BICC1: variants seen among roughly 807,000 people sequenced by gnomAD.
The protein encoded by BICC1 is BicC family RNA binding protein 1.
In BICC1, 43 loss-of-function variants were observed where a neutral mutation model predicts 111.0. The observed-to-expected ratio is 0.39, with a 90% CI of 0.30 to 0.50. BICC1 has a LOEUF of 0.50. Among genes scored for constraint, BICC1 ranks in the 20% least tolerant of loss-of-function variants. The probability of loss-of-function intolerance (pLI) is 0.88; values close to 1 mark genes in which losing one functional copy is unlikely to be tolerated. For synonymous variants in BICC1, 467 were observed against 434.4 expected (o/e 1.07, Z -0.93); for missense variants, 1,091 against 1,203.2 (o/e 0.91, Z 1.38).
At chr10:58,782,761 G>C (rs1228714578) in intron 3 of BICC1, among the ~76,000 whole-genome samples, 2 of 152,116 alleles carry the variant, frequency 1.3e-5, no homozygotes, top group Non-Finnish European at 2.9e-5. Flanking sequence ...GCTTTGGCTT[G>C]GTATCTCCCT....
intron 3 of BICC1, among the ~76,000 whole-genome samples, chr10:58,765,276 G>A (rs899179229): frequency 2.0e-5 from 3 of 146,716 alleles, no homozygotes; most frequent in East Asian, 2.1e-4. Flanking sequence ...GGCTGGTCTC[G>A]AACTCCTGAC....
chr10:58,571,320 A>G (rs908740042), intron 1 of BICC1, among the ~76,000 whole-genome samples: 1 of 152,148 alleles, frequency 6.6e-6, no homozygotes, highest in African/African-American at 2.4e-5. Flanking sequence ...TTTTATTTAT[A>G]TAATTTTTAT....
intron 2 of BICC1, among the ~76,000 whole-genome samples, chr10:58,657,694 C>T (rs927034300): frequency 7.9e-5 from 12 of 152,120 alleles, no homozygotes; most frequent in African/African-American, 2.9e-4. Flanking sequence ...CTTTCTTTGC[C>T]TGGCATGTAC....
At chr10:58,630,166 A>C (rs1446954170) in intron 2 of BICC1, among the ~76,000 whole-genome samples, 2 of 152,110 alleles carry the variant, frequency 1.3e-5, no homozygotes, top group African/African-American at 2.4e-5. Flanking sequence ...TGAGTTAGGA[A>C]GCTAAGATCA....
Position 58,793,712 on chromosome 10 carries a change from T to C in BICC1, c.1179+97T>C. 4 of 1,355,354 alleles carry C rather than the reference T, an allele frequency of 3.0e-6. No homozygotes were observed. In the South Asian group the frequency reaches 3.8e-5, roughly 13 times the overall value. 84.0% of individuals were successfully genotyped at this position (1,355,354 alleles called of 1,614,324 possible). The stretch of plus-strand genomic sequence containing the variant: ...GTATTTATTTGCATATACATGAAAC[T>C]GTTACTCTATACAGGTTGAATATCC... On this transcript the variant is annotated intron_variant, in intron 9 of 20. Transcript: ENST00000373886.
chr10:58,668,074 T>C (rs915189555), intron 2 of BICC1, among the ~76,000 whole-genome samples: 1 of 152,040 alleles, frequency 6.6e-6, no homozygotes, highest in African/African-American at 2.4e-5. Context: ...CAGAATGAAA[T>C]ATTTCACGGT....
chr10:58,527,838 C>T (rs1269913726), intron 1 of BICC1, among the ~76,000 whole-genome samples: 3 of 151,882 alleles, frequency 2.0e-5, no homozygotes, highest in Non-Finnish European at 1.5e-5. Context: ...GTGTCAGGCT[C>T]GGGTGGGTTA....
intron 2 of BICC1, among the ~76,000 whole-genome samples, chr10:58,642,503 C>G (rs1838153144): frequency 6.6e-6 from 1 of 152,054 alleles, no homozygotes; most frequent in African/African-American, 2.4e-5. Context: ...TTCCTGGTGA[C>G]TTGAGAACAT....
In BICC1 at chr10:58,793,512, A is replaced by G; in HGVS notation, c.1076A>G (p.Asp359Gly). Residue 359 changes from aspartate to glycine, a missense_variant, in exon 9 of 21, where the codon GAT (aspartate) becomes GGT (glycine). Coordinates refer to ENST00000373886, the MANE Select transcript of BICC1 (RefSeq NM_001080512.3). Reference sequence around the variant, plus strand: ...TGTCTTCCTCTTGTGTTGATGTTTGATATGAAGGAAGAAATTGAAGTAGAT... The same window carrying G: ...TGTCTTCCTCTTGTGTTGATGTTTGGTATGAAGGAAGAAATTGAAGTAGAT... Reference protein sequence around the residue: ...MGCLPLVLMFDMKEEIEVDPQ... With the variant: ...MGCLPLVLMFGMKEEIEVDPQ... The G allele has an allele frequency of 2.5e-6, 4 of 1,612,790 alleles. No homozygotes were observed. The highest frequency in any genetic ancestry group is 3.4e-6 in the Non-Finnish European group (4 of 1,179,116).
chr10:58,812,666 T>G (rs1011495515), intron 17 of BICC1, among the ~76,000 whole-genome samples: 1 of 151,924 alleles, frequency 6.6e-6, no homozygotes, highest in Admixed American at 6.6e-5. Flanking sequence ...TTAGTAGATA[T>G]GGGGTTTCAC....
chr10:58,626,053 A>G (rs1291983117), intron 2 of BICC1, among the ~76,000 whole-genome samples: 3 of 152,204 alleles, frequency 2.0e-5, no homozygotes, highest in Non-Finnish European at 4.4e-5. Context: ...GATATTTTAA[A>G]GCTTTAATTT....
intron 3 of BICC1, among the ~76,000 whole-genome samples, chr10:58,742,720 G>A (rs1394725861): frequency 6.6e-6 from 1 of 152,138 alleles, no homozygotes; most frequent in Non-Finnish European, 1.5e-5. Flanking sequence ...TTACAGGAGT[G>A]AGCCACTGTT....
intron 2 of BICC1, among the ~76,000 whole-genome samples, chr10:58,653,142 A>G (rs754665787): frequency 6.6e-6 from 1 of 152,200 alleles, no homozygotes; most frequent in Admixed American, 6.5e-5. Context: ...TTACTCTAAA[A>G]TATGAAGTAT....
intron 3 of BICC1, among the ~76,000 whole-genome samples, chr10:58,761,906 T>A (rs1262068443): frequency 6.6e-6 from 1 of 151,990 alleles, no homozygotes; most frequent in Admixed American, 6.6e-5. Context: ...TAGAAAAAAA[T>A]TCTTATAAAA....
intron 20 of BICC1, among the ~76,000 whole-genome samples, chr10:58,825,955 G>A (rs564167041): frequency 7.3e-5 from 11 of 151,494 alleles, no homozygotes; most frequent in Admixed American, 1.3e-4. Flanking sequence ...TGCCCACCAC[G>A]TCAAGATAAG....
chr10:58,796,576 T>A (rs1564618887), intron 10 of BICC1, 50 bp downstream of exon 10: 1 of 1,520,738 alleles, frequency 6.6e-7, no homozygotes. Context: ...GAAATGCTTG[T>A]CTGGTTCCCT....
chr10:58,724,999 T>C (rs1226397126), intron 3 of BICC1, among the ~76,000 whole-genome samples: 1 of 152,154 alleles, frequency 6.6e-6, no homozygotes, highest in Non-Finnish European at 1.5e-5. Context: ...GGTGCAGATG[T>C]AAACTGATAT....
intron 2 of BICC1, among the ~76,000 whole-genome samples, chr10:58,678,605 C>A (rs1839419409): frequency 6.6e-6 from 1 of 152,174 alleles, no homozygotes; most frequent in African/African-American, 2.4e-5. Context: ...TAACACCCCA[C>A]TGTCAGTATT....
rs146986188 is a variant in BICC1, at chr10:58,791,497, G to A, written c.1047+1564G>A. ...TTACACCTGTAATCCCAACACTTTG[G>A]GAGGCCGAGGCAGGCGTATCACAAG... On this transcript the variant is annotated intron_variant, in intron 8 of 20. Coordinates refer to ENST00000373886, the MANE Select transcript of BICC1 (RefSeq NM_001080512.3). Among the ~76,000 whole-genome samples, 1,127 of 152,240 alleles carry A rather than the reference G, an allele frequency of 7.4e-3. 13 individuals are homozygous for A. Among genetic ancestry groups the A allele is most frequent in the African/African-American group, 0.026 (1,067 of 41,522 alleles).
Sources: gnomAD v4.1 joint callset for allele counts (sites outside exome capture counted in the v4.1 genomes callset) on GRCh38, gnomAD v4.1.1 for gene constraint, MANE v1.5 for transcripts, NCBI Gene and HGNC (gene_info 2026-07-23, HGNC 2026-07-21) for gene names.